HDAC9: variants seen among roughly 807,000 people sequenced by gnomAD.
The protein encoded by HDAC9 is MEF-2 interacting transcription repressor (MITR) protein.
A neutral mutation model predicts 139.4 loss-of-function variants in HDAC9; 41 were observed. The observed-to-expected ratio is 0.29, with a 90% CI of 0.23 to 0.38. The LOEUF is 0.38. Ranked by LOEUF, HDAC9 falls within the 10% of genes least tolerant of loss-of-function variation. HDAC9 has a pLI of 1.00. For synonymous variants in HDAC9, 517 were observed against 476.2 expected (o/e 1.09, Z -1.12); for missense variants, 1,147 against 1,297.0 (o/e 0.88, Z 1.78).
intron 14 of HDAC9, among the ~76,000 whole-genome samples, chr7:18,755,922 A>G (rs1373220341): frequency 6.6e-6 from 1 of 152,154 alleles, no homozygotes; most frequent in African/African-American, 2.4e-5. Flanking sequence ...TCCGTCCACC[A>G]ATATTTTAAC....
At chr7:18,453,482 G>T (rs1244899414) in intron 1 of HDAC9, among the ~76,000 whole-genome samples, 2 of 152,120 alleles carry the variant, frequency 1.3e-5, no homozygotes, top group Non-Finnish European at 2.9e-5. Context: ...CACAGTAGCT[G>T]CCTAGAGTAT....
chr7:18,095,401 G>A (rs1015745313), intron 1 of HDAC9, among the ~76,000 whole-genome samples: 4 of 152,132 alleles, frequency 2.6e-5, no homozygotes, highest in East Asian at 1.9e-4. Flanking sequence ...ACCCCAAACA[G>A]CATCCTTATA....
chr7:18,772,247 A>G lies in HDAC9; in HGVS notation c.2214+5092A>G, dbSNP rs139034403. The stretch of plus-strand genomic sequence containing the variant: ...GGTCATGGGAGGCAGCCAGGCATTG[A>G]CTGTTCAGGCAATAGAACACACCGT... On this transcript the variant is annotated intron_variant, in intron 16 of 25. Coordinates refer to ENST00000686413, the MANE Select transcript of HDAC9 (RefSeq NM_178425.4). Among the ~76,000 whole-genome samples, 174 of 152,210 alleles carry G rather than the reference A, an allele frequency of 1.1e-3. 3 individuals carry two copies. In the East Asian group the frequency reaches 0.029, roughly 26 times the overall value.
chr7:18,721,752 A>G (rs1271832547), intron 12 of HDAC9, among the ~76,000 whole-genome samples: 4 of 152,200 alleles, frequency 2.6e-5, no homozygotes, highest in Non-Finnish European at 5.9e-5. Flanking sequence ...ACAAAACAAA[A>G]CAAAACAGAA....
At chr7:18,981,149 A>G (rs1470347284) in intron 25 of HDAC9, among the ~76,000 whole-genome samples, 1 of 152,078 alleles carries the variant, frequency 6.6e-6, no homozygotes, top group Non-Finnish European at 1.5e-5. Context: ...TATATTGGCC[A>G]TCATTCAGTA....
rs532795155 is a variant in HDAC9, at chr7:18,877,959, A to G, written c.2803+3363A>G. ...TATCAGTGCTGCTCTTTAAGGACCA[A>G]GGCTAAATCCCAACCCGAAATGACT... is the stretch of plus-strand genomic sequence containing the variant. On this transcript the variant is annotated intron_variant, in intron 22 of 25. Transcript: ENST00000686413. Among the ~76,000 whole-genome samples the G allele has an allele frequency of 5.9e-5, 9 of 152,284 alleles. 1 individual carries two copies. In the South Asian group the frequency reaches 1.9e-3, roughly 32 times the overall value.
intron 8 of HDAC9, 31 bp from the exon 9 acceptor site, chr7:18,644,640 G>A (rs754503238): frequency 6.3e-7 from 1 of 1,586,240 alleles, no homozygotes; most frequent in African/African-American, 1.4e-5. Context: ...TGATACTGTG[G>A]TATTTTGAGA....
chr7:18,391,983 A>C (rs1025235923), intron 1 of HDAC9, among the ~76,000 whole-genome samples: 1 of 151,996 alleles, frequency 6.6e-6, no homozygotes, highest in Non-Finnish European at 1.5e-5. Context: ...CTTTACTTTT[A>C]CTTGTATCTT....
At chr7:18,598,020 A>C (rs978143755) in intron 6 of HDAC9, among the ~76,000 whole-genome samples, 1 of 152,164 alleles carries the variant, frequency 6.6e-6, no homozygotes, top group African/African-American at 2.4e-5. Flanking sequence ...TAGCTTTATA[A>C]ATTGCCTTTT....
At chr7:18,488,868 G>T (rs1380048884) in intron 1 of HDAC9, among the ~76,000 whole-genome samples, 1 of 151,874 alleles carries the variant, frequency 6.6e-6, no homozygotes, top group Admixed American at 6.6e-5. Flanking sequence ...TTCACTGGTT[G>T]GTCTATGTTG....
chr7:18,206,256 A>G (rs1562746924), intron 2 of HDAC9, among the ~76,000 whole-genome samples: 1 of 152,208 alleles, frequency 6.6e-6, no homozygotes, highest in Non-Finnish European at 1.5e-5. Context: ...AAAGGCATTA[A>G]GGAGTTTTGG....
At chr7:18,524,424 C>A (rs1374543231) in intron 2 of HDAC9, among the ~76,000 whole-genome samples, 1 of 151,982 alleles carries the variant, frequency 6.6e-6, no homozygotes, top group African/African-American at 2.4e-5. Flanking sequence ...TGTGATGAGG[C>A]CTGCAGTCAG....
chr7:18,277,444 A>G (rs778036053), intron 2 of HDAC9, among the ~76,000 whole-genome samples: 1 of 152,208 alleles, frequency 6.6e-6, no homozygotes, highest in Non-Finnish European at 1.5e-5. Flanking sequence ...TGAAAGAAAG[A>G]TGAAAATTAC....
At position 18,835,946 on chromosome 7, in the gene HDAC9, C is replaced by G; in HGVS notation, c.2633C>G (p.Thr878Arg). 1 of 1,565,602 alleles carries G rather than the reference C, an allele frequency of 6.4e-7. No homozygotes were observed. The highest frequency in any genetic ancestry group is 8.7e-7 in the Non-Finnish European group (1 of 1,153,494). The change falls in exon 21 of 26, where the codon ACA (threonine) becomes AGA (arginine). Residue 878 changes from threonine (T) to arginine (R), a missense_variant. Physicochemically the swap from Thr to Arg is moderately conservative, Grantham distance 71. This residue lies in a region of HDAC9 where 407 missense variants were observed against 521.5 expected (regional missense o/e 0.78). Transcript: ENST00000686413. ...GGGTACAATATAAATATTGCCTGGA[C>G]AGGTGGCCTTGATCCTCCCATGGGA... is the stretch of plus-strand genomic sequence containing the variant. ...GEGYNINIAW[T>R]GGLDPPMGDV...
chr7:18,525,948 C>G (rs1031060175), intron 2 of HDAC9, among the ~76,000 whole-genome samples: 6 of 152,216 alleles, frequency 3.9e-5, no homozygotes, highest in Admixed American at 1.3e-4. Flanking sequence ...TCCACATTCT[C>G]TCACCACCAA....
chr7:18,640,385 A>AC (rs1491486328), intron 8 of HDAC9, among the ~76,000 whole-genome samples: 24 of 127,144 alleles, frequency 1.9e-4, no homozygotes, highest in African/African-American at 6.3e-4. Context: ...AAAAAAAAAA[A>AC]AGGAAAAGTA....
intron 1 of HDAC9, among the ~76,000 whole-genome samples, chr7:18,437,072 A>G (rs1791271106): frequency 6.6e-6 from 1 of 152,198 alleles, no homozygotes; most frequent in African/African-American, 2.4e-5. Flanking sequence ...GCAGTCCAGT[A>G]TCAGGTTTTC....
At chr7:18,578,927 A>G (rs115678619) in intron 2 of HDAC9, among the ~76,000 whole-genome samples, 1 of 152,248 alleles carries the variant, frequency 6.6e-6, no homozygotes, top group Non-Finnish European at 1.5e-5. Context: ...TTTAAACCAG[A>G]TAACTTCCTA....
chr7:18,584,063 A>G (rs1021171726), intron 2 of HDAC9, among the ~76,000 whole-genome samples: 3 of 152,102 alleles, frequency 2.0e-5, no homozygotes, highest in African/African-American at 4.8e-5. Flanking sequence ...ATGGACACCA[A>G]CAATAAATAA....
Sources: gnomAD v4.1 joint callset for allele counts (sites outside exome capture counted in the v4.1 genomes callset) on GRCh38, gnomAD v4.1.1 for gene constraint, gnomAD v4.1.1 regional missense constraint, MANE v1.5 for transcripts, NCBI Gene and HGNC (gene_info 2026-07-23, HGNC 2026-07-21) for gene names.